Variants in CYLD observed in about 807,000 individuals in gnomAD.
CYLD encodes the protein ubiquitin carboxyl-terminal hydrolase CYLD.
CYLD carries 26 observed loss-of-function variants against 104.5 expected under a neutral mutation model. The ratio of observed to expected loss-of-function variants is 0.25; its 90% confidence interval spans 0.18 to 0.35. The LOEUF is 0.35. Ranked by LOEUF, CYLD falls within the 10% of genes least tolerant of loss-of-function variation. CYLD has a pLI of 1.00. For synonymous variants in CYLD, 385 were observed against 399.9 expected (o/e 0.96, Z 0.45); for missense variants, 703 against 1,136.1 (o/e 0.62, Z 5.48).
chr16:50,788,102 G>GC (rs1971031894), intron 14 of CYLD, among the ~76,000 whole-genome samples: 1 of 152,078 alleles, frequency 6.6e-6, no homozygotes, highest in South Asian at 2.1e-4. Flanking sequence ...AAGTATTATT[G>GC]CAAATCATTT....
chr16:50,795,569 C>T (rs1226863236), intron 18 of CYLD: 1 of 703,008 alleles, frequency 1.4e-6, no homozygotes, highest in Non-Finnish European at 2.6e-6. Flanking sequence ...GATCCAGCCC[C>T]CACGGCCTTC....
chr16:50,777,069 T>A (rs1567444141), intron 7 of CYLD, among the ~76,000 whole-genome samples: 1 of 152,190 alleles, frequency 6.6e-6, no homozygotes, highest in Non-Finnish European at 1.5e-5. Context: ...GACTAAAGAT[T>A]TTCTTAAGCT....
At chr16:50,776,145 C>A in intron 6 of CYLD, 34 bp from the exon 7 acceptor site, 1 of 1,436,636 alleles carries the variant, frequency 7.0e-7, no homozygotes, top group Non-Finnish European at 9.8e-7. Context: ...TAAGAATTTG[C>A]CTTTATCTTT....
At chr16:50,784,574 G>C in intron 12 of CYLD, 123 bp downstream of exon 12, 4 of 1,078,968 alleles carry the variant, frequency 3.7e-6, no homozygotes, top group Non-Finnish European at 5.4e-6. Flanking sequence ...TAGTTCTTAT[G>C]GTAAAATATT....
chr16:50,784,597 C>T, intron 12 of CYLD, 146 bp downstream of exon 12: 1 of 860,958 alleles, frequency 1.2e-6, no homozygotes, highest in South Asian at 1.6e-5. Flanking sequence ...GTTTTTAAAC[C>T]TTTGGTCCTT....
At position 50,787,985 on chromosome 16, in the gene CYLD, G is replaced by A. The variant is rs762903096; in HGVS notation, c.2108+133G>A. ...GTTTAGGGCTCTTAATAGGCTAGGG[G>A]AATATCATGCAAGTTAATTTTATTT... is the stretch of plus-strand genomic sequence containing the variant. On this transcript the variant is annotated intron_variant, in intron 14 of 18. Transcript: ENST00000427738. The A allele has an allele frequency of 1.1e-5, 6 of 570,468 alleles. No individual in the cohort carries two copies. The East Asian group carries it at 1.5e-4, about 14-fold the overall frequency. 35.3% of individuals were successfully genotyped at this position (570,468 alleles called of 1,614,324 possible).
At chr16:50,757,405 C>T (rs766612657) in intron 5 of CYLD, among the ~76,000 whole-genome samples, 3 of 152,154 alleles carry the variant, frequency 2.0e-5, no homozygotes, top group African/African-American at 7.2e-5. Flanking sequence ...TTTGTAAAAT[C>T]AATTTTTAAT....
rs1039683373 is a variant in CYLD at position 50,794,698 on chromosome 16, G to A, written c.2686+270G>A. On this transcript the variant is annotated intron_variant, in intron 18 of 18. Coordinates refer to ENST00000427738, the MANE Select transcript of CYLD (RefSeq NM_001378743.1). This position sits in a 1 kb window ranked among gnomAD's most constrained non-coding sequence, Gnocchi z 4.1. ...TGCAGCAGCGTGATCTTGGCTCATT[G>A]CAACCTCCACCTCTCAGGTTCAAGC... The A allele has an allele frequency of 3.3e-5, 15 of 449,880 alleles. No individual in the cohort carries two copies. The East Asian group carries it at 6.5e-4, about 19-fold the overall frequency. 27.9% of individuals were successfully genotyped at this position (449,880 alleles called of 1,614,324 possible). A position where few individuals can be genotyped will look rare whatever the true frequency, so the allele number is the denominator to read the frequency against.
chr16:50,767,432 T>A (rs1968635849), intron 5 of CYLD, among the ~76,000 whole-genome samples: 1 of 151,680 alleles, frequency 6.6e-6, no homozygotes, highest in South Asian at 2.1e-4. Flanking sequence ...CTACAATATC[T>A]CCAGGGTGTG....
chr16:50,798,143 C>T lies in CYLD; in HGVS notation c.*1635C>T, dbSNP rs1254428626. The stretch of plus-strand genomic sequence containing the variant: ...TCTGACAGCCTAGAAGTCCAATCAC[C>T]CTGTAATAAATATGTGTTGAATGAA... On this transcript the variant is annotated 3_prime_UTR_variant, in exon 19 of 19. Coordinates refer to ENST00000427738, the MANE Select transcript of CYLD (RefSeq NM_001378743.1). 2 of 231,142 alleles carry T rather than the reference C, an allele frequency of 8.7e-6. No homozygotes were observed. Among genetic ancestry groups the T allele is most frequent in the African/African-American group, 4.4e-5 (2 of 45,200 alleles). 14.3% of individuals were successfully genotyped at this position (231,142 alleles called of 1,614,324 possible). A position where few individuals can be genotyped will look rare whatever the true frequency, so the allele number is the denominator to read the frequency against.
intron 5 of CYLD, among the ~76,000 whole-genome samples, chr16:50,755,074 TACATATACACACATATATACATAC>T (rs1966946124): frequency 1.8e-5 from 2 of 113,064 alleles, no homozygotes; most frequent in African/African-American, 7.4e-5. Flanking sequence ...TAGATATGTA[TACATATACACACATATATACATAC>T]ATATATACAC....
chr16:50,757,924 C>T (rs1596996657), intron 5 of CYLD, among the ~76,000 whole-genome samples: 2 of 152,246 alleles, frequency 1.3e-5, no homozygotes, highest in Admixed American at 1.3e-4. Flanking sequence ...TTATGGTTTA[C>T]AAAACAGTTT....
intron 2 of CYLD, among the ~76,000 whole-genome samples, chr16:50,746,077 A>G (rs1966168741): frequency 6.6e-6 from 1 of 151,944 alleles, no homozygotes. Context: ...TTGCTTTTTC[A>G]CCCAGGCTGA....
At chr16:50,742,563 C>T in intron 1 of CYLD, 199 bp from the exon 2 acceptor site, 1 of 157,356 alleles carries the variant, frequency 6.4e-6, no homozygotes, top group Non-Finnish European at 1.3e-5. Context: ...ACCCCATTTA[C>T]AGATTGGGAG....
intron 1 of CYLD, chr16:50,742,402 TC>T (rs151192348): frequency 0.013 from 2,216 of 169,268 alleles, 50 homozygotes; most frequent in African/African-American, 0.045. Context: ...AGCCCGGGTT[TC>T]CCCCCCCCAC....
At chr16:50,775,124 C>A (rs1969537506) in intron 5 of CYLD, 42 bp from the exon 6 acceptor site, 1 of 1,574,944 alleles carries the variant, frequency 6.3e-7, no homozygotes, top group Non-Finnish European at 8.6e-7. Flanking sequence ...TCTTTCTGTC[C>A]TCAAATCCAC....
At chr16:50,787,507 C>T in intron 13 of CYLD, 1 of 368,126 alleles carries the variant, frequency 2.7e-6, no homozygotes, top group South Asian at 2.8e-5. Flanking sequence ...CTTAACCCCT[C>T]CAAAGGAAAT....
chr16:50,777,739 A>G (rs185960345), intron 7 of CYLD, 86 bp from the exon 8 acceptor site: 1 of 758,198 alleles, frequency 1.3e-6, no homozygotes, highest in African/African-American at 1.7e-5. Context: ...TATTAACATC[A>G]TATTCATAAT....
chr16:50,749,588 G>A lies in CYLD; in HGVS notation c.-111G>A. The A allele has an allele frequency of 4.5e-6, 5 of 1,100,834 alleles. No homozygotes were observed. The highest frequency in any genetic ancestry group is 4.2e-5 in the South Asian group (3 of 72,264). The allele number at this position is 1,100,834 out of a possible 1,614,324, so 68.2% of individuals were successfully genotyped here. ...TTTCTTTTTACAGCATGGACACCAC[G>A]TTGCTGAAAACATGCTTTGGGACTG... On this transcript the variant is annotated 5_prime_UTR_variant, in exon 3 of 19. Coordinates refer to ENST00000427738, the MANE Select transcript of CYLD (RefSeq NM_001378743.1).
Sources: gnomAD v4.1 joint callset for allele counts (sites outside exome capture counted in the v4.1 genomes callset) on GRCh38, gnomAD v4.1.1 for gene constraint, Gnocchi (gnomAD v3.1) non-coding constraint, MANE v1.5 for transcripts, NCBI Gene and HGNC (gene_info 2026-07-23, HGNC 2026-07-21) for gene names.